GRM5: variants seen among roughly 807,000 people sequenced by gnomAD.
The protein encoded by GRM5 is glutamate metabotropic receptor 5.
A neutral mutation model predicts 83.1 loss-of-function variants in GRM5; 19 were observed. The observed-to-expected ratio is 0.23, with a 90% CI of 0.16 to 0.34. The LOEUF is 0.34. GRM5 is among the 10% of genes least tolerant of loss of function. The pLI is 1.00. For missense variants in GRM5, 1,160 were observed against 1,588.3 expected, an observed-to-expected ratio of 0.73 and a Z score of 4.58; for synonymous variants, 675 against 633.6, an observed-to-expected ratio of 1.07 and a Z score of -0.98.
chr11:88,805,724 C>T (rs1188872285), intron 3 of GRM5, among the ~76,000 whole-genome samples: 1 of 152,032 alleles, frequency 6.6e-6, no homozygotes, highest in Non-Finnish European at 1.5e-5. Context: ...TTGTCTTCTC[C>T]TTCCTTTTGT....
rs529099399 is a variant in GRM5 at position 88,644,274 on chromosome 11, AG to A, written c.1147+8893del. On this transcript the variant is annotated intron_variant, in intron 4 of 9. Transcript: ENST00000305447. Reference sequence around the variant, plus strand: ...AGGCAAAGTATCTACAGTGACCCAGAGTCCCTGCATCCCACAAATTGGGGAC... The same window carrying A: ...AGGCAAAGTATCTACAGTGACCCAGATCCCTGCATCCCACAAATTGGGGAC... 1.5e-3 allele frequency among the ~76,000 whole-genome samples: 222 copies of A among 152,300 alleles called. 1 individual carries two copies. Among genetic ancestry groups the A allele is most frequent in the African/African-American group, 5.1e-3 (211 of 41,570 alleles).
At chr11:88,944,368 T>C (rs1189327980) in intron 2 of GRM5, among the ~76,000 whole-genome samples, 3 of 151,960 alleles carry the variant, frequency 2.0e-5, no homozygotes, top group Non-Finnish European at 4.4e-5. Context: ...TAAATAGTTG[T>C]TAAATTATTC....
At chr11:89,061,882 G>A (rs1027703488) in intron 1 of GRM5, among the ~76,000 whole-genome samples, 2 of 152,182 alleles carry the variant, frequency 1.3e-5, no homozygotes, top group Non-Finnish European at 2.9e-5. Context: ...CAAACCTCTA[G>A]GGGTGCAATT....
chr11:88,800,399 A>G (rs1943367433), intron 3 of GRM5, among the ~76,000 whole-genome samples: 1 of 142,154 alleles, frequency 7.0e-6, no homozygotes, highest in South Asian at 2.6e-4. Context: ...TAGTTCTTTC[A>G]TGGTTCTACA....
intron 3 of GRM5, among the ~76,000 whole-genome samples, chr11:88,761,633 T>C (rs188859177): frequency 6.6e-6 from 1 of 152,202 alleles, no homozygotes; most frequent in East Asian, 1.9e-4. Flanking sequence ...CTGTCCAAAG[T>C]AATTTATAGA....
chr11:88,856,851 C>A (rs1321112539), intron 2 of GRM5, among the ~76,000 whole-genome samples: 1 of 151,996 alleles, frequency 6.6e-6, no homozygotes, highest in Non-Finnish European at 1.5e-5. Flanking sequence ...CTGTCATTAA[C>A]TAAAACATCA....
intron 2 of GRM5, among the ~76,000 whole-genome samples, chr11:89,011,286 T>A (rs1404606831): frequency 2.0e-5 from 3 of 152,184 alleles, no homozygotes; most frequent in Non-Finnish European, 2.9e-5. Flanking sequence ...TATTTTAACA[T>A]GGTATTGCAA....
intron 2 of GRM5, among the ~76,000 whole-genome samples, chr11:89,038,341 AT>A (rs1163354212): frequency 6.6e-6 from 1 of 152,186 alleles, no homozygotes; most frequent in Non-Finnish European, 1.5e-5. Context: ...CCAAAATGAG[AT>A]TTCATAACCC....
intron 4 of GRM5, among the ~76,000 whole-genome samples, chr11:88,643,716 G>A (rs1354412): frequency 6.6e-6 from 1 of 152,086 alleles, no homozygotes; most frequent in African/African-American, 2.4e-5. Flanking sequence ...GTACTATTCC[G>A]GTATTCTAGC....
chr11:88,994,611 A>G (rs991536040), intron 2 of GRM5, among the ~76,000 whole-genome samples: 2 of 99,714 alleles, frequency 2.0e-5, no homozygotes, highest in Non-Finnish European at 1.7e-5. Flanking sequence ...AGCATTACAG[A>G]AAAAAAAAAA....
At chr11:88,533,732 G>C (rs1942070299) in intron 8 of GRM5, among the ~76,000 whole-genome samples, 1 of 152,148 alleles carries the variant, frequency 6.6e-6, no homozygotes. Context: ...CATAAGTAAT[G>C]AGGAGCCAAA....
Position 89,019,509 on chromosome 11 carries a change from A to G in GRM5, c.661+27703T>C, listed in dbSNP as rs983431049. 4.3e-4 allele frequency among the ~76,000 whole-genome samples: 65 copies of G among 151,622 alleles called. 1 individual carries two copies. Among genetic ancestry groups the G allele is most frequent in the Non-Finnish European group, 5.9e-5 (4 of 67,942 alleles). On this transcript the variant is annotated intron_variant, in intron 2 of 9. Coordinates refer to ENST00000305447, the MANE Select transcript of GRM5 (RefSeq NM_001143831.3). The stretch of plus-strand genomic sequence containing the variant: ...CAGGAGTTCAAGACCAGCCTGACCA[A>G]TGTGATGAAACCCCATCACTACTAA...
chr11:88,770,063 G>A (rs1942701683), intron 3 of GRM5, among the ~76,000 whole-genome samples: 1 of 151,992 alleles, frequency 6.6e-6, no homozygotes, highest in South Asian at 2.1e-4. Context: ...TTACCTCTGT[G>A]ATCTACCTCT....
At chr11:88,544,427 C>T (rs932945888) in intron 8 of GRM5, among the ~76,000 whole-genome samples, 77 of 152,302 alleles carry the variant, frequency 5.1e-4, no homozygotes, top group African/African-American at 1.7e-3. Context: ...CCTTGTATTA[C>T]GGACTTCCTT....
At chr11:88,623,996 C>A (rs762897871) in intron 4 of GRM5, among the ~76,000 whole-genome samples, 1 of 152,178 alleles carries the variant, frequency 6.6e-6, no homozygotes, top group Non-Finnish European at 1.5e-5. Flanking sequence ...GGAAAAGCAA[C>A]CTACAGTCAA....
chr11:88,935,117 T>C (rs1937849132), intron 2 of GRM5, among the ~76,000 whole-genome samples: 1 of 151,944 alleles, frequency 6.6e-6, no homozygotes, highest in South Asian at 2.1e-4. Flanking sequence ...TTAGGACATA[T>C]AAGGATTTGG....
intron 3 of GRM5, among the ~76,000 whole-genome samples, chr11:88,683,184 G>A (rs1339032927): frequency 6.6e-6 from 1 of 152,074 alleles, no homozygotes; most frequent in Non-Finnish European, 1.5e-5. Flanking sequence ...CAGGTCTCAG[G>A]GGATCATTGT....
chr11:88,698,090 C>T (rs1418697474), intron 3 of GRM5, among the ~76,000 whole-genome samples: 1 of 152,176 alleles, frequency 6.6e-6, no homozygotes, highest in Non-Finnish European at 1.5e-5. Context: ...CAGACTCGTC[C>T]TCTGCCAATC....
At chr11:88,659,734 C>T (rs1003538112) in intron 3 of GRM5, among the ~76,000 whole-genome samples, 77 of 152,044 alleles carry the variant, frequency 5.1e-4, no homozygotes, top group Admixed American at 4.8e-3. Flanking sequence ...CTCCTGAGTG[C>T]TATATGCTAA....
Sources: gnomAD v4.1 joint callset for allele counts (sites outside exome capture counted in the v4.1 genomes callset) on GRCh38, gnomAD v4.1.1 for gene constraint, MANE v1.5 for transcripts, NCBI Gene and HGNC (gene_info 2026-07-23, HGNC 2026-07-21) for gene names.